BRINP3: variants seen among roughly 807,000 people sequenced by gnomAD.
The protein encoded by BRINP3 is BMP/retinoic acid inducible neural specific 3.
In BRINP3, 19 loss-of-function variants were observed where a neutral mutation model predicts 71.0. The observed-to-expected ratio is 0.27, with a 90% CI of 0.19 to 0.39. BRINP3 has a LOEUF of 0.39. Ranked by LOEUF, BRINP3 falls within the 10% of genes least tolerant of loss-of-function variation. The pLI, the probability that BRINP3 is intolerant of heterozygous loss-of-function variation, is 1.00. For missense variants in BRINP3, 959 were observed against 940.8 expected, an observed-to-expected ratio of 1.02 and a Z score of -0.25; for synonymous variants, 380 against 337.7, an observed-to-expected ratio of 1.13 and a Z score of -1.37.
chr1:190,211,791 A>G (rs1465679867), intron 6 of BRINP3, among the ~76,000 whole-genome samples: 2 of 152,134 alleles, frequency 1.3e-5, no homozygotes, highest in East Asian at 1.9e-4. Context: ...ATAGCCATCT[A>G]TGTCAGATGA....
chr1:190,155,939 C>A (rs1202718360), intron 7 of BRINP3, among the ~76,000 whole-genome samples: 1 of 152,018 alleles, frequency 6.6e-6, no homozygotes, highest in African/African-American at 2.4e-5. Context: ...TCAGGTAGTT[C>A]TTTATAGCAG....
intron 4 of BRINP3, among the ~76,000 whole-genome samples, chr1:190,259,663 T>TAAAA (rs1224731301): frequency 2.4e-5 from 3 of 124,210 alleles, no homozygotes; most frequent in African/African-American, 9.1e-5. Context: ...AATAAATAAA[T>TAAAA]AAAATAAAGT....
At chr1:190,346,445 T>A (rs575059616) in intron 2 of BRINP3, among the ~76,000 whole-genome samples, 1 of 152,104 alleles carries the variant, frequency 6.6e-6, no homozygotes, top group East Asian at 1.9e-4. Context: ...TTTTTATCTT[T>A]GGTATTTCTG....
intron 3 of BRINP3, among the ~76,000 whole-genome samples, chr1:190,272,234 T>G (rs1662170677): frequency 6.6e-6 from 1 of 151,542 alleles, no homozygotes; most frequent in Non-Finnish European, 1.5e-5. Context: ...ATAATACACT[T>G]TTATTACTAA....
chr1:190,344,656 A>C (rs1306403989), intron 2 of BRINP3, among the ~76,000 whole-genome samples: 1 of 151,878 alleles, frequency 6.6e-6, no homozygotes, highest in Non-Finnish European at 1.5e-5. Context: ...ACCACAAAGG[A>C]AAGAATGTGC....
intron 1 of BRINP3, among the ~76,000 whole-genome samples, chr1:190,472,568 G>A (rs1055871117): frequency 6.6e-6 from 1 of 151,568 alleles, no homozygotes; most frequent in Non-Finnish European, 1.5e-5. Context: ...ATTACAAAAT[G>A]TTTCAGACTC....
intron 5 of BRINP3, among the ~76,000 whole-genome samples, chr1:190,233,130 T>A (rs1003189004): frequency 6.6e-5 from 10 of 152,104 alleles, no homozygotes; most frequent in Admixed American, 2.0e-4. Flanking sequence ...TTTTTTTTAA[T>A]TTTTTAGAGA....
chr1:190,366,608 C>T (rs1469379253), intron 2 of BRINP3, among the ~76,000 whole-genome samples: 1 of 152,106 alleles, frequency 6.6e-6, no homozygotes, highest in Non-Finnish European at 1.5e-5. Flanking sequence ...ACTCGAAAGT[C>T]CTATGCCAAA....
chr1:190,263,427 T>A (rs926219349), intron 4 of BRINP3, among the ~76,000 whole-genome samples: 1 of 152,046 alleles, frequency 6.6e-6, no homozygotes, highest in Non-Finnish European at 1.5e-5. Context: ...ACTAGCAACA[T>A]TAGGATTTTG....
chr1:190,206,297 G>A (rs965119025), intron 6 of BRINP3, among the ~76,000 whole-genome samples: 1 of 151,912 alleles, frequency 6.6e-6, no homozygotes, highest in South Asian at 2.1e-4. Context: ...GTTTATGACA[G>A]GTTTCTATTT....
At chr1:190,178,564 T>A (rs550497341) in intron 6 of BRINP3, among the ~76,000 whole-genome samples, 2 of 152,136 alleles carry the variant, frequency 1.3e-5, no homozygotes, top group African/African-American at 4.8e-5. Context: ...AAAATGTTGA[T>A]GCTAAAAACC....
Position 190,160,761 on chromosome 1 carries a change from T to G in BRINP3, c.1091A>C (p.Gln364Pro), listed in dbSNP as rs1389480665. 1.2e-6 allele frequency: 2 copies of G among 1,613,650 alleles called. No individual in the cohort carries two copies. Among genetic ancestry groups the G allele is most frequent in the South Asian group, 1.1e-5 (1 of 91,074 alleles). ...AATTTTCTGCGCCTTTAGGAAAAGT[T>G]GTTTCATGCTGTTCTCCAGTTGTTC... ...RYEQLENSMKQLFLKAQKIVH... is the reference protein window; with the variant it reads ...RYEQLENSMKPLFLKAQKIVH... Residue 364 changes from glutamine to proline, a missense_variant, in exon 7 of 8, where the codon CAA becomes CCA. Physicochemically the swap from Gln to Pro is moderately conservative, Grantham distance 76. Transcript: ENST00000367462.
intron 2 of BRINP3, among the ~76,000 whole-genome samples, chr1:190,366,077 A>G (rs770347237): frequency 6.6e-6 from 1 of 151,652 alleles, no homozygotes; most frequent in East Asian, 1.9e-4. Context: ...AGGTAAGATG[A>G]GAAAGGATCA....
chr1:190,193,840 G>A (rs75168689), intron 6 of BRINP3, among the ~76,000 whole-genome samples: 4,302 of 152,036 alleles, frequency 0.028, 311 homozygotes, highest in East Asian at 0.23. Context: ...AAATGTAATC[G>A]TAAAAAATAT....
chr1:190,241,111 G>A (rs1659049055), intron 4 of BRINP3, among the ~76,000 whole-genome samples: 1 of 151,670 alleles, frequency 6.6e-6, no homozygotes, highest in African/African-American at 2.4e-5. Context: ...GGATTAAATT[G>A]GTGGATAAAT....
intron 6 of BRINP3, among the ~76,000 whole-genome samples, chr1:190,198,201 C>A (rs1654667573): frequency 1.3e-5 from 2 of 152,156 alleles, no homozygotes; most frequent in South Asian, 4.1e-4. Flanking sequence ...CTGGACCCAG[C>A]CCAGAAAATC....
chr1:190,172,469 T>A (rs1652103108), intron 6 of BRINP3, among the ~76,000 whole-genome samples: 1 of 152,146 alleles, frequency 6.6e-6, no homozygotes, highest in Admixed American at 6.6e-5. Flanking sequence ...GAAAATGGAC[T>A]TTATTGAATA....
intron 2 of BRINP3, among the ~76,000 whole-genome samples, chr1:190,295,103 G>A (rs1664151807): frequency 6.6e-6 from 1 of 152,110 alleles, no homozygotes; most frequent in Admixed American, 6.5e-5. Flanking sequence ...CAGTGTAGGG[G>A]CTTGGTCAAG....
At chr1:190,213,918 A>G (rs2102659349) in intron 6 of BRINP3, among the ~76,000 whole-genome samples, 1 of 152,166 alleles carries the variant, frequency 6.6e-6, no homozygotes, top group Non-Finnish European at 1.5e-5. Context: ...TGAAGTTTAA[A>G]ATTTAAAATG....
Sources: allele counts gnomAD v4.1 joint callset (sites outside exome capture counted in the v4.1 genomes callset), GRCh38; gene constraint gnomAD v4.1.1; transcripts MANE v1.5; gene names NCBI Gene and HGNC (gene_info 2026-07-23, HGNC 2026-07-21).